TMEM232: variants seen among roughly 807,000 people sequenced by gnomAD.
TMEM232 encodes transmembrane protein 232.
TMEM232 carries 80 observed loss-of-function variants against 78.8 expected under a neutral mutation model. The ratio of observed to expected loss-of-function variants is 1.01; its 90% CI spans 0.85 to 1.22. The LOEUF is 1.22. Among genes scored for constraint, TMEM232 ranks in the 50% most tolerant of loss-of-function variants. TMEM232 has a pLI of 0.00. For missense variants in TMEM232, 881 were observed against 742.2 expected (o/e 1.19, Z -2.17); for synonymous variants, 297 against 254.3 (o/e 1.17, Z -1.60).
At chr5:110,589,453 G>C (rs950117077) in intron 10 of TMEM232, among the ~76,000 whole-genome samples, 2 of 152,146 alleles carry the variant, frequency 1.3e-5, no homozygotes, top group African/African-American at 4.8e-5. Flanking sequence ...GTCACCTTTT[G>C]CACATTCTTC....
intron 11 of TMEM232, among the ~76,000 whole-genome samples, chr5:110,531,328 A>C (rs548120514): frequency 6.6e-6 from 1 of 152,308 alleles, no homozygotes; most frequent in Non-Finnish European, 1.5e-5. Flanking sequence ...ACGGACACAC[A>C]TGAAATTTGG....
At chr5:110,697,953 T>C (rs1351551204) in intron 1 of TMEM232, among the ~76,000 whole-genome samples, 2 of 152,112 alleles carry the variant, frequency 1.3e-5, no homozygotes, top group East Asian at 1.9e-4. Context: ...ACCCAAAGGA[T>C]TATAAATCAT....
intron 1 of TMEM232, among the ~76,000 whole-genome samples, chr5:110,737,591 TTACC>T (rs1171894149): frequency 6.6e-6 from 1 of 152,196 alleles, no homozygotes; most frequent in Non-Finnish European, 1.5e-5. Context: ...TAATTAAGAT[TTACC>T]TTTTTTCAAT....
Position 110,433,656 on chromosome 5 carries a change from T to C in TMEM232, c.1704-8740A>G, listed in dbSNP as rs562363389. ...TTTTGAAGGATGTTCCTTTGATGCT[T>C]AGTTTGTTGAGAGATTTTTCATGAA... On this transcript the variant is annotated intron_variant, in intron 12 of 13. Transcript: ENST00000455884. 5.3e-5 allele frequency among the ~76,000 whole-genome samples: 8 copies of C among 152,178 alleles called. No individual in the cohort carries two copies. In the South Asian group the frequency reaches 1.7e-3, roughly 32 times the overall value.
chr5:110,646,992 TA>T (rs1787589274), intron 2 of TMEM232, among the ~76,000 whole-genome samples: 1 of 151,754 alleles, frequency 6.6e-6, no homozygotes, highest in Admixed American at 6.6e-5. Context: ...TATCAGAATT[TA>T]AAAAAATATA....
intron 12 of TMEM232, among the ~76,000 whole-genome samples, chr5:110,504,026 A>C (rs1354955820): frequency 6.6e-6 from 1 of 152,180 alleles, no homozygotes; most frequent in Non-Finnish European, 1.5e-5. Flanking sequence ...CTATCTTGGC[A>C]GTTTATGAGC....
At chr5:110,661,083 G>A (rs553977876) in intron 2 of TMEM232, among the ~76,000 whole-genome samples, 3 of 152,012 alleles carry the variant, frequency 2.0e-5, no homozygotes, top group African/African-American at 4.8e-5. Context: ...TGACAATAGC[G>A]GTATTTGTCT....
At position 110,394,731 on chromosome 5, in the gene TMEM232, T is replaced by C. The variant is rs529076912; in HGVS notation, n.390+3042A>G. Among the ~76,000 whole-genome samples the C allele has an allele frequency of 9.7e-4, 148 of 152,308 alleles. 2 individuals are homozygous for C. The highest frequency in any genetic ancestry group is 3.4e-3 in the African/African-American group (141 of 41,574). On this transcript the variant is annotated intron_variant and non_coding_transcript_variant, in intron 3 of 8. Transcript: ENST00000507188. The stretch of plus-strand genomic sequence containing the variant: ...AGCATATTGTTTAATTTCCATGTGT[T>C]TGTATAATTTCCAAATCATCTAGTG...
chr5:110,593,920 C>A (rs1779835902), intron 10 of TMEM232, among the ~76,000 whole-genome samples: 1 of 151,984 alleles, frequency 6.6e-6, no homozygotes, highest in Non-Finnish European at 1.5e-5. Flanking sequence ...ATCAAAATAT[C>A]CCACATACCT....
intron 12 of TMEM232, among the ~76,000 whole-genome samples, chr5:110,475,791 GAC>G (rs1763189553): frequency 6.6e-6 from 1 of 151,818 alleles, no homozygotes; most frequent in South Asian, 2.1e-4. Context: ...AGCACCTGAG[GAC>G]ACTACCAGGG....
At chr5:110,469,395 C>A (rs953359874) in intron 12 of TMEM232, among the ~76,000 whole-genome samples, 2 of 152,330 alleles carry the variant, frequency 1.3e-5, no homozygotes, top group Non-Finnish European at 2.9e-5. Context: ...CCAAGCACCC[C>A]TGAAGCCATG....
At chr5:110,669,024 C>T (rs895955631) in intron 1 of TMEM232, among the ~76,000 whole-genome samples, 18 of 152,110 alleles carry the variant, frequency 1.2e-4, no homozygotes, top group Middle Eastern at 3.2e-3. Context: ...CAAGAGAAAG[C>T]AGGAAAGATC....
intron 8 of TMEM232, among the ~76,000 whole-genome samples, chr5:110,612,431 C>T (rs1782423161): frequency 6.6e-6 from 1 of 152,112 alleles, no homozygotes; most frequent in Non-Finnish European, 1.5e-5. Context: ...CGAAAACCTA[C>T]ATTGACATTT....
At chr5:110,469,499 G>C (rs1762439154) in intron 12 of TMEM232, among the ~76,000 whole-genome samples, 1 of 152,180 alleles carries the variant, frequency 6.6e-6, no homozygotes, top group Non-Finnish European at 1.5e-5. Context: ...CCTTGGTGAA[G>C]CCACCCTATC....
intron 11 of TMEM232, among the ~76,000 whole-genome samples, chr5:110,550,362 A>G (rs927350159): frequency 2.6e-5 from 4 of 152,178 alleles, no homozygotes; most frequent in African/African-American, 9.6e-5. Flanking sequence ...TATGAGACTC[A>G]CGTAAAACAT....
At chr5:110,601,167 G>A (rs1780839171) in intron 10 of TMEM232, among the ~76,000 whole-genome samples, 1 of 152,040 alleles carries the variant, frequency 6.6e-6, no homozygotes, top group Non-Finnish European at 1.5e-5. Context: ...AAAACAATAA[G>A]AGCCATCAGT....
chr5:110,557,808 AT>A (rs1281716232), intron 11 of TMEM232, among the ~76,000 whole-genome samples: 2 of 152,126 alleles, frequency 1.3e-5, no homozygotes, highest in Admixed American at 1.3e-4. Context: ...AGCACTGAGG[AT>A]TACAATTGAA....
chr5:110,397,698 GTTTC>G lies in TMEM232; in HGVS notation n.390+71_390+74del, dbSNP rs371866307. On this transcript the variant is annotated intron_variant and non_coding_transcript_variant, in intron 3 of 8. Coordinates refer to the TMEM232 transcript ENST00000507188. ...ACCACCCATTTATAAGAATAAGTTG[GTTTC>G]TTTCTGTGTCCTCTGTTCTTTCTGT... The G allele has an allele frequency of 4.5e-4, 68 of 152,476 alleles. 2 individuals are homozygous for G. The East Asian group carries it at 7.5e-3, about 17-fold the overall frequency. The allele number at this position is 152,476 out of a possible 1,614,324, so 9.4% of individuals were successfully genotyped here.
downstream of TMEM232, among the ~76,000 whole-genome samples, chr5:110,414,496 T>A (rs184567779): frequency 6.6e-6 from 1 of 152,194 alleles, no homozygotes; most frequent in African/African-American, 2.4e-5. Context: ...AGAGGCAAAT[T>A]TAATTTTATA....
Sources: allele counts gnomAD v4.1 joint callset (sites outside exome capture counted in the v4.1 genomes callset), GRCh38; gene constraint gnomAD v4.1.1; transcripts MANE v1.5; gene names NCBI Gene and HGNC (gene_info 2026-07-23, HGNC 2026-07-21).